Variants in CDH19 observed in about 807,000 individuals in gnomAD.
CDH19 encodes cadherin 19.
A neutral mutation model predicts 64.2 loss-of-function variants in CDH19; 67 were observed. The ratio of observed to expected loss-of-function variants is 1.04; its 90% CI spans 0.86 to 1.28. CDH19 has a LOEUF of 1.28. Ranked by LOEUF, CDH19 falls within the 50% of genes most tolerant of loss-of-function variation. The pLI is 0.00. For missense variants in CDH19, 1,030 were observed against 929.0 expected (o/e 1.11, Z -1.41); for synonymous variants, 346 against 319.3 (o/e 1.08, Z -0.89).
intron 9 of CDH19, among the ~76,000 whole-genome samples, chr18:66,527,421 A>T (rs1986265833): frequency 6.6e-6 from 1 of 152,060 alleles, no homozygotes; most frequent in Non-Finnish European, 1.5e-5. Context: ...TGCTGTCATA[A>T]ATCTAGTAAT....
Position 66,564,465 on chromosome 18 carries a change from C to T in CDH19, c.490+3951G>A, listed in dbSNP as rs1193636011. On this transcript the variant is annotated intron_variant, in intron 3 of 11. Coordinates refer to ENST00000262150, the MANE Select transcript of CDH19 (RefSeq NM_021153.4). The stretch of plus-strand genomic sequence containing the variant: ...ACACTTGATAATATTAAAAATGATG[C>T]CCTCAGTGACTACAGATATGAAAAA... Among the ~76,000 whole-genome samples the T allele has an allele frequency of 2.0e-5, 3 of 151,614 alleles. No homozygotes were observed. The East Asian group carries it at 5.8e-4, about 29-fold the overall frequency.
In CDH19 at chr18:66,601,290, A is replaced by G. The variant is rs146352693; in HGVS notation, c.-113+2664T>C. Among the ~76,000 whole-genome samples the G allele has an allele frequency of 7.2e-3, 1,096 of 152,002 alleles. 13 individuals are homozygous for G. The highest frequency in any genetic ancestry group is 0.025 in the African/African-American group (1,043 of 41,544). On this transcript the variant is annotated intron_variant, in intron 1 of 11. Transcript: ENST00000262150. ...AAAAAATAGCGACTTCTTTTCTGTG[A>G]TGTATTTATGATTTGCTCATTTCCA... is the stretch of plus-strand genomic sequence containing the variant.
chr18:66,581,256 A>C (rs919623677), intron 1 of CDH19, among the ~76,000 whole-genome samples: 1 of 152,160 alleles, frequency 6.6e-6, no homozygotes, highest in Non-Finnish European at 1.5e-5. Flanking sequence ...TATTAGCACA[A>C]TATTAGATAC....
At chr18:66,552,254 G>T (rs1454321937) in intron 4 of CDH19, among the ~76,000 whole-genome samples, 1 of 151,872 alleles carries the variant, frequency 6.6e-6, no homozygotes, top group Non-Finnish European at 1.5e-5. Flanking sequence ...TGAAAAAAAT[G>T]ACATATGAGT....
In CDH19 at chr18:66,568,645, T is replaced by A. The variant is rs1279551859; in HGVS notation, c.261A>T (p.Gly87=). 3.7e-6 allele frequency: 6 copies of A among 1,611,192 alleles called. No homozygotes were observed. Among genetic ancestry groups the A allele is most frequent in the African/African-American group, 1.3e-5 (1 of 74,728 alleles). ...TTCTTTCATCAATGATAAAAGTACT[T>A]CCAGCTCCAGCTCCCAAAAGCTTGT... The part of the protein sequence containing the change: ...FQYKLLGAGA[G]STFIIDERTG... Residue 87 remains glycine (G), a synonymous_variant, in exon 3 of 12, where the codon GGA becomes GGT. Transcript: ENST00000262150.
chr18:66,557,601 C>G (rs192602873), intron 3 of CDH19, among the ~76,000 whole-genome samples: 6 of 151,956 alleles, frequency 3.9e-5, no homozygotes, highest in African/African-American at 1.2e-4. Context: ...TCTTATGACA[C>G]TTGTGGCATT....
intron 1 of CDH19, among the ~76,000 whole-genome samples, chr18:66,600,963 T>G (rs1460757275): frequency 6.6e-6 from 1 of 151,878 alleles, no homozygotes; most frequent in Non-Finnish European, 1.5e-5. Context: ...CATTTATTTC[T>G]CATCAAATAC....
chr18:66,551,131 A>G lies in CDH19; in HGVS notation c.738T>C (p.Leu246=). Residue 246 remains leucine (L), a synonymous_variant, in exon 5 of 12, where the codon CTT becomes CTC. Coordinates refer to ENST00000262150, the MANE Select transcript of CDH19 (RefSeq NM_021153.4). ...LSGTTSVLIK[L]SDVNDNKPIF... is the part of the protein sequence containing the mutation. ...TAGGCTTATTGTCATTAACATCTGA[A>G]AGTTTAATTAATACACTTGTTGTTC... is the stretch of plus-strand genomic sequence containing the variant. The G allele has an allele frequency of 6.2e-7, 1 of 1,606,066 alleles. No homozygotes were observed.
intron 11 of CDH19, among the ~76,000 whole-genome samples, chr18:66,507,106 C>T (rs1985240186): frequency 6.6e-6 from 1 of 151,862 alleles, no homozygotes; most frequent in Non-Finnish European, 1.5e-5. Context: ...ATTTTCAGGG[C>T]TTGGTTTAAG....
intron 2 of CDH19, among the ~76,000 whole-genome samples, chr18:66,571,747 T>C (rs761050709): frequency 6.6e-5 from 10 of 151,600 alleles, no homozygotes; most frequent in Non-Finnish European, 1.2e-4. Context: ...AATAACGCAA[T>C]AAAGTTTCCA....
chr18:66,516,172 C>T (rs987882649), intron 9 of CDH19, among the ~76,000 whole-genome samples: 1 of 151,746 alleles, frequency 6.6e-6, no homozygotes, highest in Non-Finnish European at 1.5e-5. Context: ...AGGGACACTC[C>T]CAGGCTCTAA....
chr18:66,528,096 T>A (rs572333502), intron 9 of CDH19, among the ~76,000 whole-genome samples: 5 of 152,074 alleles, frequency 3.3e-5, no homozygotes, highest in Admixed American at 2.0e-4. Flanking sequence ...CAAAAATTAT[T>A]TGTATTTTAA....
At chr18:66,544,678 T>A in intron 6 of CDH19, 41 bp downstream of exon 6, 1 of 1,353,862 alleles carries the variant, frequency 7.4e-7, no homozygotes, top group Non-Finnish European at 1.0e-6. Flanking sequence ...ATGTTTTAAT[T>A]TTGCGCTATT....
At chr18:66,596,012 T>C (rs747248610) in intron 1 of CDH19, 1 of 152,094 alleles carries the variant, frequency 6.6e-6, no homozygotes, top group East Asian at 1.9e-4. Context: ...GTTTAACATA[T>C]GTAAATAAAT....
At chr18:66,594,956 G>C (rs1180766443) in intron 1 of CDH19, among the ~76,000 whole-genome samples, 1 of 151,074 alleles carries the variant, frequency 6.6e-6, no homozygotes, top group East Asian at 1.9e-4. Flanking sequence ...GTATACATAT[G>C]TAACTAACCT....
At chr18:66,521,525 T>TATTTATTTATTTATTTA (rs1158647660) in intron 9 of CDH19, among the ~76,000 whole-genome samples, 5 of 47,268 alleles carry the variant, frequency 1.1e-4, no homozygotes, top group Non-Finnish European at 1.9e-4. Context: ...TTTATTTATT[T>TATTTATTTATTTATTTA]TGTTTGTTTG....
At position 66,551,171 on chromosome 18, in the gene CDH19, G is replaced by A. The variant is rs371405480; in HGVS notation, c.698C>T (p.Pro233Leu). The stretch of plus-strand genomic sequence containing the variant: ...ACTTGTTGTTCCAGACAACGCTCCT[G>A]GCTGACCAATCATGTCCTTGGCTTG... ...IIQAKDMIGQPGALSGTTSVL... is the reference protein window; with the variant it reads ...IIQAKDMIGQLGALSGTTSVL... Residue 233 changes from proline (P) to leucine (L), a missense_variant, in exon 5 of 12, where the codon CCA becomes CTA. Transcript: ENST00000262150. 1 of 1,605,576 alleles carries A rather than the reference G, an allele frequency of 6.2e-7. No individual in the cohort carries two copies. The highest frequency in any genetic ancestry group is 1.3e-5 in the African/African-American group (1 of 74,666).
At chr18:66,557,886 T>C (rs1192253612) in intron 3 of CDH19, among the ~76,000 whole-genome samples, 1 of 151,832 alleles carries the variant, frequency 6.6e-6, no homozygotes, top group Admixed American at 6.6e-5. Context: ...GATGTTCAGC[T>C]CTGCCACCTT....
intron 5 of CDH19, among the ~76,000 whole-genome samples, chr18:66,547,198 A>T (rs1358778029): frequency 6.6e-6 from 1 of 152,170 alleles, no homozygotes; most frequent in East Asian, 1.9e-4. Flanking sequence ...AGAAGTGTTC[A>T]TATTTCGGAT....
Sources: gnomAD v4.1 joint callset for allele counts (sites outside exome capture counted in the v4.1 genomes callset) on GRCh38, gnomAD v4.1.1 for gene constraint, MANE v1.5 for transcripts, NCBI Gene and HGNC (gene_info 2026-07-23, HGNC 2026-07-21) for gene names.